The following GART variants were observed in gnomAD, a reference collection of about 807,000 sequenced individuals.
The protein encoded by GART is trifunctional purine biosynthetic protein adenosine-3.
In GART, 43 loss-of-function variants were observed where a neutral mutation model predicts 107.2. The observed-to-expected ratio is 0.40, with a 90% CI of 0.31 to 0.52. The LOEUF is 0.52. GART is among the 20% of genes least tolerant of loss of function. The pLI, the probability that GART is intolerant of heterozygous loss-of-function variation, is 0.52. For missense variants in GART, 1,107 were observed against 1,206.5 expected, an observed-to-expected ratio of 0.92 and a Z score of 1.22; for synonymous variants, 434 against 427.0, an observed-to-expected ratio of 1.02 and a Z score of -0.20.
rs1443663135 is a variant in GART, at chr21:33,528,610, T to C, written c.812-6A>G. 2 of 1,396,002 alleles carry C rather than the reference T, an allele frequency of 1.4e-6. No homozygotes were observed. Among genetic ancestry groups the C allele is most frequent in the Non-Finnish European group, 9.4e-7 (1 of 1,061,344 alleles). 86.5% of individuals were successfully genotyped at this position (1,396,002 alleles called of 1,614,324 possible). ...TATTCCAGCATAGAGAATACCTTCATTAAAAAAGAAAAAAAAAAAAAAGAG... is the reference window on the plus strand; with the variant it reads ...TATTCCAGCATAGAGAATACCTTCACTAAAAAAGAAAAAAAAAAAAAAGAG... On this transcript the variant is annotated splice_polypyrimidine_tract_variant and splice_region_variant and intron_variant, in intron 8 of 21. Coordinates refer to ENST00000381815, the MANE Select transcript of GART (RefSeq NM_000819.5).
Position 33,520,463 on chromosome 21 carries a change from G to A in GART, c.1603C>T (p.Leu535Phe). ...AGTTTTCCACAGGAAAAGTAATCAA[G>A]GAAGAAGAGGGGCTCTGCTCCTTGT... Reference protein sequence around the residue: ...LAQGAEPLFFLDYFSCGKLDL... With the variant: ...LAQGAEPLFFFDYFSCGKLDL... Residue 535 changes from leucine to phenylalanine, a missense_variant, in exon 14 of 22, where the codon CTT (leucine) becomes TTT (phenylalanine). By Grantham distance (22) the Leu-to-Phe change is conservative. Coordinates refer to ENST00000381815, the MANE Select transcript of GART (RefSeq NM_000819.5). The A allele has an allele frequency of 6.2e-7, 1 of 1,614,124 alleles. No individual in the cohort carries two copies. The highest frequency in any genetic ancestry group is 8.5e-7 in the Non-Finnish European group (1 of 1,179,994).
chr21:33,517,727 A>C, intron 14 of GART, 119 bp from the exon 15 acceptor site: 1 of 1,006,750 alleles, frequency 9.9e-7, no homozygotes, highest in East Asian at 2.5e-5. Flanking sequence ...GCAAATATTT[A>C]AGAAAATGTA....
Position 33,528,617 on chromosome 21 carries a change from A to T in GART, c.812-13T>A, listed in dbSNP as rs1170650481. ...GCATAGAGAATACCTTCATTAAAAA[A>T]GAAAAAAAAAAAAAAGAGAGAAAGA... On this transcript the variant is annotated splice_polypyrimidine_tract_variant and intron_variant, in intron 8 of 21. Coordinates refer to ENST00000381815, the MANE Select transcript of GART (RefSeq NM_000819.5). 7.3e-7 allele frequency: 1 copy of T among 1,362,614 alleles called. No individual in the cohort carries two copies. 84.4% of individuals were successfully genotyped at this position (1,362,614 alleles called of 1,614,324 possible).
chr21:33,510,100 C>A, intron 17 of GART, 180 bp from the exon 18 acceptor site: 1 of 590,542 alleles, frequency 1.7e-6, no homozygotes. Flanking sequence ...TAAAAACTTC[C>A]AAAAGGTGAA....
At chr21:33,542,531 C>G (rs2085468463), upstream of GART, 2 of 153,496 alleles carry the variant, frequency 1.3e-5, no homozygotes, top group Middle Eastern at 6.8e-3. Flanking sequence ...AAAAATGAGG[C>G]TGGTTATAGA....
chr21:33,515,457 C>A (rs141228441), intron 16 of GART, among the ~76,000 whole-genome samples: 1 of 151,846 alleles, frequency 6.6e-6, no homozygotes, highest in Non-Finnish European at 1.5e-5. Context: ...CTGGCCAACA[C>A]GGTGAAACCC....
In GART at chr21:33,504,470, T is replaced by G. The variant is rs752771796; in HGVS notation, c.2783A>C (p.His928Pro). 1 of 1,614,158 alleles carries G rather than the reference T, an allele frequency of 6.2e-7. No homozygotes were observed. The highest frequency in any genetic ancestry group is 8.5e-7 in the Non-Finnish European group (1 of 1,180,016). The change falls in exon 21 of 22, where the codon CAT becomes CCT. Residue 928 changes from histidine to proline, a missense_variant. Coordinates refer to ENST00000381815, the MANE Select transcript of GART (RefSeq NM_000819.5). ...LLPSFKGSNA[H>P]EQALETGVTV... ...GACTCCGGTTTCCAGGGCTTGCTCA[T>G]GGGCATTTGAACCCTTAAAAGAAGG...
At chr21:33,521,500 C>T (rs982631192) in intron 12 of GART, among the ~76,000 whole-genome samples, 7 of 151,754 alleles carry the variant, frequency 4.6e-5, no homozygotes, top group Admixed American at 4.6e-4. Context: ...GGCGTGGTGG[C>T]GGGCACCTGT....
At position 33,509,827 on chromosome 21, in the gene GART, A is replaced by G; in HGVS notation, c.2408T>C (p.Phe803Ser). The G allele has an allele frequency of 6.2e-7, 1 of 1,612,574 alleles. No individual in the cohort carries two copies. Among genetic ancestry groups the G allele is most frequent in the Non-Finnish European group, 8.5e-7 (1 of 1,179,442 alleles). ...KNGSLTNHFS[F>S]EKKKARVAVL... ...AGCCACTCTGGCCTTTTTTTTTTCA[A>G]AAGAGAAATGATTTGTCAGGGAGCC... Residue 803 changes from phenylalanine to serine, a missense_variant, in exon 18 of 22, where the codon TTT becomes TCT. Transcript: ENST00000381815.
intron 18 of GART, among the ~76,000 whole-genome samples, chr21:33,507,486 A>C (rs1438021692): frequency 1.3e-5 from 2 of 152,220 alleles, no homozygotes; most frequent in East Asian, 1.9e-4. Flanking sequence ...ATAGCATAAC[A>C]GGGTGACTAT....
intron 11 of GART, among the ~76,000 whole-genome samples, chr21:33,523,169 G>C (rs561956369): frequency 5.9e-5 from 9 of 152,260 alleles, no homozygotes; most frequent in African/African-American, 2.2e-4. Flanking sequence ...GAGAACTCTG[G>C]CCTGCTGGGA....
Position 33,535,340 on chromosome 21 carries a change from A to G in GART, c.146-20T>C. The G allele has an allele frequency of 7.0e-7, 1 of 1,427,168 alleles. No individual in the cohort carries two copies. Among genetic ancestry groups the G allele is most frequent in the South Asian group, 1.4e-5 (1 of 71,092 alleles). 88.4% of individuals were successfully genotyped at this position (1,427,168 alleles called of 1,614,324 possible). Reference sequence around the variant, plus strand: ...AGATGGCTGTAAACAGAAAAAAAAAAAAAAAAACCACTGCATTTACAAAAA... The same window carrying G: ...AGATGGCTGTAAACAGAAAAAAAAAGAAAAAAACCACTGCATTTACAAAAA... On this transcript the variant is annotated intron_variant, in intron 2 of 21. Coordinates refer to ENST00000381815, the MANE Select transcript of GART (RefSeq NM_000819.5).
intron 14 of GART, among the ~76,000 whole-genome samples, chr21:33,519,324 C>T (rs996943149): frequency 6.6e-6 from 1 of 152,062 alleles, no homozygotes; most frequent in Admixed American, 6.6e-5. Context: ...GAGGCCGAGG[C>T]AGGCAGATCA....
intron 18 of GART, among the ~76,000 whole-genome samples, chr21:33,508,440 A>C (rs1350740592): frequency 1.3e-5 from 2 of 151,296 alleles, no homozygotes; most frequent in Admixed American, 1.3e-4. Flanking sequence ...CATAGTGAAC[A>C]TTATACCTGA....
At chr21:33,526,425 C>G (rs779403186) in intron 10 of GART, among the ~76,000 whole-genome samples, 1 of 152,034 alleles carries the variant, frequency 6.6e-6, no homozygotes, top group Non-Finnish European at 1.5e-5. Flanking sequence ...CTGCCCGCTT[C>G]GGCCTCCCCA....
chr21:33,534,611 G>C lies in GART; in HGVS notation c.384C>G (p.Thr128=). The C allele has an allele frequency of 6.2e-7, 1 of 1,614,144 alleles. No individual in the cohort carries two copies. The highest frequency in any genetic ancestry group is 1.3e-5 in the African/African-American group (1 of 75,032). ...GIPTAQWKAF[T]KPEEACSFIL... ...TGAAGCTGCAGGCTTCTTCAGGTTT[G>C]GTGAAAGCCTTCCATTGTGCGGTTG... The change falls in exon 4 of 22, where the codon ACC becomes ACG. Residue 128 remains threonine, a synonymous_variant. Coordinates refer to ENST00000381815, the MANE Select transcript of GART (RefSeq NM_000819.5).
chr21:33,510,491 G>A (rs1195836225), intron 17 of GART, among the ~76,000 whole-genome samples: 9 of 152,152 alleles, frequency 5.9e-5, no homozygotes, highest in Middle Eastern at 3.4e-3. Flanking sequence ...CACCACGCCC[G>A]GCTAATGTTT....
Position 33,530,749 on chromosome 21 carries a change from C to G in GART, c.723+10G>C, listed in dbSNP as rs770927714. 6.9e-7 allele frequency: 1 copy of G among 1,441,920 alleles called. No homozygotes were observed. The highest frequency in any genetic ancestry group is 9.1e-7 in the Non-Finnish European group (1 of 1,095,948). 89.3% of individuals were successfully genotyped at this position (1,441,920 alleles called of 1,614,324 possible). A position where few individuals can be genotyped will look rare whatever the true frequency, so the allele number is the denominator to read the frequency against. Reference sequence around the variant, plus strand: ...TACTACAAGACTTCAGCAGAGTCTTCGGGAAGTACCTGAGGGGCTGGACAA... The same window carrying G: ...TACTACAAGACTTCAGCAGAGTCTTGGGGAAGTACCTGAGGGGCTGGACAA... On this transcript the variant is annotated intron_variant, in intron 7 of 21. Transcript: ENST00000381815.
chr21:33,517,645 T>C, intron 14 of GART, 37 bp from the exon 15 acceptor site: 2 of 1,609,414 alleles, frequency 1.2e-6, no homozygotes, highest in South Asian at 1.1e-5. Context: ...AATCAGAGTA[T>C]TTATAAATCT....
Sources: allele counts gnomAD v4.1 joint callset (sites outside exome capture counted in the v4.1 genomes callset), GRCh38; gene constraint gnomAD v4.1.1; transcripts MANE v1.5; gene names NCBI Gene and HGNC (gene_info 2026-07-23, HGNC 2026-07-21).